TECRL: variants seen among roughly 807,000 people sequenced by gnomAD.
The protein encoded by TECRL is trans-2,3-enoyl-CoA reductase like.
In TECRL, 63 loss-of-function variants were observed where a neutral mutation model predicts 52.8. The observed-to-expected ratio is 1.19, with a 90% CI of 0.97 to 1.47. The LOEUF is 1.47. Among genes scored for constraint, TECRL ranks in the 40% most tolerant of loss-of-function variants. TECRL has a pLI of 0.00. For synonymous variants in TECRL, 164 were observed against 141.9 expected, an observed-to-expected ratio of 1.16 and a Z score of -1.10; for missense variants, 482 against 429.6, an observed-to-expected ratio of 1.12 and a Z score of -1.08.
intron 8 of TECRL, among the ~76,000 whole-genome samples, chr4:64,295,053 TC>T (rs1723602510): frequency 6.6e-6 from 1 of 151,706 alleles, no homozygotes; most frequent in African/African-American, 2.4e-5. Context: ...AAACCTTTTT[TC>T]AATTTGTACT....
At chr4:64,333,874 A>T (rs1489724278) in intron 2 of TECRL, among the ~76,000 whole-genome samples, 1 of 126,262 alleles carries the variant, frequency 7.9e-6, no homozygotes, top group Non-Finnish European at 1.6e-5. Flanking sequence ...CAAAAAAAAA[A>T]TTAGCCGGGC....
Position 64,289,744 on chromosome 4 carries a change from G to A in TECRL, c.798C>T (p.Phe266=), listed in dbSNP as rs866690956. Reference sequence around the variant, plus strand: ...TGGGATGAGACAACATTACATTGATGAAATGATTCCCAGCTTCACAAATCT... The same window carrying A: ...TGGGATGAGACAACATTACATTGATAAAATGATTCCCAGCTTCACAAATCT... ...NFLICEAGNH[F]INVMLSHPNH... is the part of the protein sequence containing the mutation. Residue 266 remains phenylalanine (F), a synonymous_variant, in exon 9 of 12, where the codon TTC becomes TTT. Coordinates refer to ENST00000381210, the MANE Select transcript of TECRL (RefSeq NM_001010874.5). 6.5e-7 allele frequency: 1 copy of A among 1,547,696 alleles called. No homozygotes were observed. Among genetic ancestry groups the A allele is most frequent in the East Asian group, 2.5e-5 (1 of 40,792 alleles).
At chr4:64,404,812 A>G (rs565867181) in intron 1 of TECRL, among the ~76,000 whole-genome samples, 5 of 152,206 alleles carry the variant, frequency 3.3e-5, no homozygotes, top group Admixed American at 2.0e-4. Flanking sequence ...TCTAACAATA[A>G]TTTGATTTGA....
intron 2 of TECRL, among the ~76,000 whole-genome samples, chr4:64,366,398 CA>C (rs1428536754): frequency 2.0e-5 from 3 of 152,036 alleles, no homozygotes; most frequent in African/African-American, 7.2e-5. Flanking sequence ...GCAACAAAAG[CA>C]ATGATTAACA....
chr4:64,285,575 C>G (rs949816741), intron 9 of TECRL, among the ~76,000 whole-genome samples: 2 of 151,956 alleles, frequency 1.3e-5, no homozygotes, highest in African/African-American at 4.8e-5. Flanking sequence ...CTAGGAGACA[C>G]CAGTTTAGAG....
chr4:64,314,886 T>C (rs991920173), intron 4 of TECRL, 123 bp from the exon 5 acceptor site: 7 of 690,572 alleles, frequency 1.0e-5, no homozygotes, highest in Non-Finnish European at 1.8e-5. Flanking sequence ...GTAACTAGAT[T>C]AAGTGATATT....
chr4:64,302,075 A>G (rs1266006771), intron 7 of TECRL, among the ~76,000 whole-genome samples: 2 of 151,298 alleles, frequency 1.3e-5, no homozygotes, highest in South Asian at 2.1e-4. Context: ...GAACATATAC[A>G]TTCTGATTTG....
intron 2 of TECRL, among the ~76,000 whole-genome samples, chr4:64,340,417 T>C (rs1332394917): frequency 1.3e-5 from 2 of 152,232 alleles, no homozygotes; most frequent in Non-Finnish European, 2.9e-5. Flanking sequence ...GCTCCAGCTG[T>C]CTGGCTTCTC....
chr4:64,387,358 G>A (rs1247506757), intron 1 of TECRL, among the ~76,000 whole-genome samples: 1 of 152,128 alleles, frequency 6.6e-6, no homozygotes, highest in Non-Finnish European at 1.5e-5. Context: ...TGTGGATGCA[G>A]CTGCCATAAA....
chr4:64,331,420 CA>C (rs1182370567), intron 2 of TECRL, among the ~76,000 whole-genome samples: 1 of 152,058 alleles, frequency 6.6e-6, no homozygotes, highest in Non-Finnish European at 1.5e-5. Flanking sequence ...ACTATGCATT[CA>C]GTTTAGGTAA....
At chr4:64,405,211 T>A (rs1331650606) in intron 1 of TECRL, among the ~76,000 whole-genome samples, 26 of 152,124 alleles carry the variant, frequency 1.7e-4, no homozygotes, top group Non-Finnish European at 1.6e-4. Flanking sequence ...ACAGTTAAGA[T>A]CTAAAGAAAA....
intron 1 of TECRL, among the ~76,000 whole-genome samples, chr4:64,389,976 C>G (rs1162439707): frequency 6.6e-6 from 1 of 151,786 alleles, no homozygotes; most frequent in Admixed American, 6.6e-5. Context: ...CCATGTTAAG[C>G]CTTGCTTTAC....
intron 2 of TECRL, among the ~76,000 whole-genome samples, chr4:64,357,089 G>A (rs1318899441): frequency 6.6e-6 from 1 of 152,062 alleles, no homozygotes; most frequent in Non-Finnish European, 1.5e-5. Context: ...ATATTAAAAT[G>A]CAGATAGTTC....
chr4:64,375,295 A>T lies in TECRL; in HGVS notation c.235-72T>A, dbSNP rs1433796269. The T allele has an allele frequency of 1.8e-5, 14 of 789,530 alleles. No individual in the cohort carries two copies. The East Asian group carries it at 4.1e-4, about 23-fold the overall frequency. 48.9% of individuals were successfully genotyped at this position (789,530 alleles called of 1,614,324 possible). On this transcript the variant is annotated intron_variant, in intron 1 of 11. Coordinates refer to ENST00000381210, the MANE Select transcript of TECRL (RefSeq NM_001010874.5). ...GTTTTCTATCCATTTAAGAAAAAAAAGTTTAAATATATCATAAAATTCTTA... is the reference window on the plus strand; with the variant it reads ...GTTTTCTATCCATTTAAGAAAAAAATGTTTAAATATATCATAAAATTCTTA...
chr4:64,280,269 C>A, intron 11 of TECRL, 70 bp from the exon 12 acceptor site: 1 of 1,167,984 alleles, frequency 8.6e-7, no homozygotes, highest in Non-Finnish European at 1.1e-6. Context: ...GAAAAGGATC[C>A]CTAGCATGTT....
intron 1 of TECRL, among the ~76,000 whole-genome samples, chr4:64,398,138 AT>A: frequency 6.6e-6 from 1 of 152,252 alleles, no homozygotes; most frequent in South Asian, 2.1e-4. Flanking sequence ...TTATTATTAA[AT>A]TTGTAAATTT....
At chr4:64,346,238 T>C (rs1304395588) in intron 2 of TECRL, among the ~76,000 whole-genome samples, 3 of 152,218 alleles carry the variant, frequency 2.0e-5, no homozygotes, top group Admixed American at 6.5e-5. Flanking sequence ...CATTGCAAGC[T>C]GTCAGTGGAT....
chr4:64,365,183 C>T (rs1291210129), intron 2 of TECRL, among the ~76,000 whole-genome samples: 1 of 145,166 alleles, frequency 6.9e-6, no homozygotes. Context: ...AAAGGCTTTT[C>T]GTTAAATTCA....
chr4:64,328,438 AGT>A, intron 3 of TECRL, 72 bp downstream of exon 3: 1 of 1,281,372 alleles, frequency 7.8e-7, no homozygotes, highest in East Asian at 2.3e-5. Flanking sequence ...CAAAGTGATA[AGT>A]GAATGTCAGC....
Sources: gnomAD v4.1 joint callset for allele counts (sites outside exome capture counted in the v4.1 genomes callset) on GRCh38, gnomAD v4.1.1 for gene constraint, MANE v1.5 for transcripts, NCBI Gene and HGNC (gene_info 2026-07-23, HGNC 2026-07-21) for gene names.